The following ATP7A variants were observed in gnomAD, a reference collection of about 807,000 sequenced individuals.
ATP7A encodes the protein ATPase copper transporting alpha.
In ATP7A, 7 loss-of-function variants were observed where a neutral mutation model predicts 83.5. The ratio of observed to expected loss-of-function variants is 0.08; its 90% CI spans 0.05 to 0.16. The LOEUF (loss-of-function observed/expected upper bound fraction) is 0.16, where lower values mean the gene tolerates loss of function less well. Ranked by LOEUF, ATP7A falls within the 10% of genes least tolerant of loss-of-function variation. The probability of loss-of-function intolerance (pLI) is 1.00; values close to 1 mark genes in which losing one functional copy is unlikely to be tolerated. For synonymous variants in ATP7A, 354 were observed against 395.2 expected (o/e 0.90, Z 1.24); for missense variants, 940 against 1,120.8 (o/e 0.84, Z 2.30).
At chrX:78,035,509 T>A (rs1430301914) in intron 17 of ATP7A, among the ~76,000 whole-genome samples, 2 of 111,211 alleles carry the variant, frequency 1.8e-5, no homozygotes, top group African/African-American at 6.6e-5. Flanking sequence ...CTGAAACCCA[T>A]CCACGGGTCT....
chrX:77,939,730 G>A (rs1167697948), intron 1 of ATP7A, among the ~76,000 whole-genome samples: 2 of 110,756 alleles, frequency 1.8e-5, no homozygotes, highest in Non-Finnish European at 3.8e-5. Flanking sequence ...AGTTTAATAA[G>A]GTTGGCAGTT....
At chrX:77,972,885 G>A (rs1345373174) in intron 2 of ATP7A, among the ~76,000 whole-genome samples, 1 of 108,433 alleles carries the variant, frequency 9.2e-6, no homozygotes, top group East Asian at 2.9e-4. Flanking sequence ...AGACTCTAGG[G>A]CTTTAAGTTG....
intron 1 of ATP7A, among the ~76,000 whole-genome samples, chrX:77,937,677 C>T (rs1157009608): frequency 9.0e-6 from 1 of 111,703 alleles, no homozygotes; most frequent in African/African-American, 3.3e-5. Context: ...AGGTGAAAGA[C>T]ACCAGATACA....
chrX:78,029,495 C>A lies in ATP7A; in HGVS notation c.3111+51C>A, dbSNP rs782628884. 6 of 1,100,222 alleles carry A rather than the reference C, an allele frequency of 5.5e-6. No individual in the cohort carries two copies. In the East Asian group the frequency reaches 1.8e-4, roughly 33 times the overall value. The allele number at this position is 1,100,222 out of a possible 1,213,427, so 90.7% of individuals were successfully genotyped here. ...CTGTACCACCAAACTATCAATAGCA[C>A]CCCTCACATGTGAGAAACACATACT... is the stretch of plus-strand genomic sequence containing the variant. On this transcript the variant is annotated intron_variant, in intron 15 of 22. Transcript: ENST00000341514.
At chrX:78,008,582 A>T in intron 6 of ATP7A, among the ~76,000 whole-genome samples, 1 of 111,468 alleles carries the variant, frequency 9.0e-6, no homozygotes, top group Admixed American at 9.6e-5. Context: ...TAAATGTCAA[A>T]TCCTCTATCA....
chrX:77,937,954 A>G (rs182753482), intron 1 of ATP7A, among the ~76,000 whole-genome samples: 138 of 108,655 alleles, frequency 1.3e-3, no homozygotes, highest in African/African-American at 4.2e-3. Context: ...TCTCTCGCCA[A>G]TTGTCACCAA....
intron 17 of ATP7A, among the ~76,000 whole-genome samples, chrX:78,034,751 T>G (rs980062377): frequency 7.4e-5 from 8 of 108,166 alleles, no homozygotes; most frequent in Non-Finnish European, 1.3e-4. Context: ...TGTTCCTTTT[T>G]TTTTTTTTTT....
At chrX:77,915,326 C>T (rs781856194) in intron 1 of ATP7A, among the ~76,000 whole-genome samples, 1 of 103,812 alleles carries the variant, frequency 9.6e-6, no homozygotes, top group Non-Finnish European at 2.0e-5. Context: ...CTGTCTTGTC[C>T]GGAAAAAAAA....
chrX:77,959,131 T>A (rs1393006686), intron 1 of ATP7A, among the ~76,000 whole-genome samples: 2 of 110,921 alleles, frequency 1.8e-5, no homozygotes, highest in African/African-American at 6.6e-5. Flanking sequence ...ACCTCCTTGG[T>A]TAAGTTTATT....
Position 77,989,383 on chromosome X carries a change from G to T in ATP7A, c.761G>T (p.Arg254Leu). 1 of 1,211,253 alleles carries T rather than the reference G, an allele frequency of 8.3e-7. No individual in the cohort carries two copies. Among genetic ancestry groups the T allele is most frequent in the African/African-American group, 1.7e-5 (1 of 57,720 alleles). ...YLKLGAIDVE[R>L]LKNTPVKSSE... is the part of the protein sequence containing the mutation. Reference sequence around the variant, plus strand: ...AAATTGGGAGCTATTGATGTAGAACGTCTAAAGAACACACCAGTTAAATCC... The same window carrying T: ...AAATTGGGAGCTATTGATGTAGAACTTCTAAAGAACACACCAGTTAAATCC... Residue 254 changes from arginine to leucine, a missense_variant, in exon 4 of 23, where the codon CGT (arginine) becomes CTT (leucine). Physicochemically the swap from Arg to Leu is moderately radical, Grantham distance 102. This residue lies in a region of ATP7A where 350 missense variants were observed against 432.8 expected (regional missense o/e 0.81). Coordinates refer to ENST00000341514, the MANE Select transcript of ATP7A (RefSeq NM_000052.7).
chrX:77,978,065 A>C (rs2077585663), intron 2 of ATP7A, among the ~76,000 whole-genome samples: 1 of 111,259 alleles, frequency 9.0e-6, no homozygotes, highest in Non-Finnish European at 1.9e-5. Context: ...TTATATGGTC[A>C]TGTGTTTTTG....
intron 1 of ATP7A, among the ~76,000 whole-genome samples, chrX:77,960,674 AT>A (rs2077469461): frequency 9.0e-6 from 1 of 111,667 alleles, no homozygotes; most frequent in African/African-American, 3.3e-5. Context: ...AGAAAATGAT[AT>A]TACTGATGGT....
chrX:77,950,541 A>G (rs1557226690), intron 1 of ATP7A, among the ~76,000 whole-genome samples: 1 of 111,544 alleles, frequency 9.0e-6, no homozygotes, highest in Non-Finnish European at 1.9e-5. Flanking sequence ...CTACTGGGGG[A>G]ATGAGGTATC....
At chrX:78,027,068 C>T (rs782461455) in intron 14 of ATP7A, among the ~76,000 whole-genome samples, 15 of 108,052 alleles carry the variant, frequency 1.4e-4, no homozygotes, top group African/African-American at 5.1e-4. Context: ...GAGAATTGCT[C>T]GAACCCAGGA....
intron 1 of ATP7A, among the ~76,000 whole-genome samples, chrX:77,939,792 A>G (rs911668343): frequency 3.6e-5 from 4 of 110,347 alleles, no homozygotes; most frequent in African/African-American, 9.8e-5. Context: ...TACACCAACA[A>G]TAATCATCTA....
intron 14 of ATP7A, among the ~76,000 whole-genome samples, chrX:78,024,931 G>A (rs962098679): frequency 1.8e-5 from 2 of 111,413 alleles, no homozygotes; most frequent in Non-Finnish European, 3.8e-5. Flanking sequence ...TTACTCTTGA[G>A]TGCCATCTAC....
At chrX:77,958,262 T>C (rs782303313) in intron 1 of ATP7A, among the ~76,000 whole-genome samples, 5 of 111,259 alleles carry the variant, frequency 4.5e-5, no homozygotes, top group Non-Finnish European at 9.4e-5. Flanking sequence ...AATGCCAGCA[T>C]CATGCTTCTG....
chrX:78,009,035 A>AAT, intron 6 of ATP7A, 67 bp from the exon 7 acceptor site: 1 of 1,060,439 alleles, frequency 9.4e-7, no homozygotes, highest in Non-Finnish European at 1.3e-6. Context: ...AAAAAAAAAA[A>AAT]GTGGTAACTC....
intron 5 of ATP7A, among the ~76,000 whole-genome samples, chrX:78,001,095 C>T (rs1557233087): frequency 1.8e-5 from 2 of 111,784 alleles, no homozygotes; most frequent in Non-Finnish European, 1.9e-5. Flanking sequence ...ATTTTCCCTT[C>T]TATTTCTGTT....
Sources: gnomAD v4.1 joint callset for allele counts (sites outside exome capture counted in the v4.1 genomes callset) on GRCh38, gnomAD v4.1.1 for gene constraint, gnomAD v4.1.1 regional missense constraint, MANE v1.5 for transcripts, NCBI Gene and HGNC (gene_info 2026-07-23, HGNC 2026-07-21) for gene names.